MYO5B: variants seen among roughly 807,000 people sequenced by gnomAD.
MYO5B encodes the protein myosin VB.
A neutral mutation model predicts 229.3 loss-of-function variants in MYO5B; 143 were observed. The observed-to-expected ratio is 0.62, with a 90% confidence interval of 0.54 to 0.72. MYO5B has a LOEUF of 0.72. Ranked by LOEUF, MYO5B falls within the 30% of genes least tolerant of loss-of-function variation. MYO5B has a pLI of 0.00. For synonymous variants in MYO5B, 918 were observed against 885.2 expected (o/e 1.04, Z -0.66); for missense variants, 2,321 against 2,331.0 (o/e 1.00, Z 0.09).
chr18:49,974,798 G>GACATACACACACACACACACACACAC (rs2025730642), intron 9 of MYO5B, among the ~76,000 whole-genome samples, 183 bp from the exon 10 acceptor site: 1 of 130,996 alleles, frequency 7.6e-6, no homozygotes, highest in Non-Finnish European at 1.6e-5. Context: ...CACACACACA[G>GACATACACACACACACACACACACAC]ACACACACAC....
At chr18:49,910,657 C>T (rs2144158491) in intron 18 of MYO5B, among the ~76,000 whole-genome samples, 1 of 151,988 alleles carries the variant, frequency 6.6e-6, no homozygotes, top group South Asian at 2.1e-4. Context: ...CATACATTTA[C>T]TATAATATTC....
chr18:49,897,832 G>C (rs527330511), intron 21 of MYO5B, among the ~76,000 whole-genome samples: 1 of 152,256 alleles, frequency 6.6e-6, no homozygotes, highest in South Asian at 2.1e-4. Context: ...GATAGGAGTG[G>C]ACAGTTTATA....
chr18:50,077,873 T>C (rs1356826041), intron 1 of MYO5B, among the ~76,000 whole-genome samples: 1 of 152,122 alleles, frequency 6.6e-6, no homozygotes, highest in African/African-American at 2.4e-5. Context: ...TCCTACATAC[T>C]ACAATAACAC....
At chr18:50,184,082 G>A (rs113347179) in intron 1 of MYO5B, among the ~76,000 whole-genome samples, 5 of 152,164 alleles carry the variant, frequency 3.3e-5, no homozygotes, top group Non-Finnish European at 5.9e-5. Context: ...CGGGTATTCT[G>A]TTGCAGCAAC....
chr18:50,096,916 C>T (rs1277974170), intron 1 of MYO5B, among the ~76,000 whole-genome samples: 6 of 152,164 alleles, frequency 3.9e-5, no homozygotes, highest in African/African-American at 7.2e-5. Context: ...CCAGCTCCTG[C>T]GGGAGACAAC....
intron 12 of MYO5B, among the ~76,000 whole-genome samples, chr18:49,959,398 G>A (rs1426156259): frequency 6.6e-6 from 1 of 152,186 alleles, no homozygotes; most frequent in Non-Finnish European, 1.5e-5. Context: ...CTACACGAAA[G>A]CGCTAGACAA....
At chr18:50,091,738 CT>C (rs746636919) in intron 1 of MYO5B, among the ~76,000 whole-genome samples, 1 of 152,190 alleles carries the variant, frequency 6.6e-6, no homozygotes, top group Non-Finnish European at 1.5e-5. Context: ...CTCAGCACCC[CT>C]GACTTCTGTT....
chr18:50,140,962 A>C (rs967274798), intron 1 of MYO5B, among the ~76,000 whole-genome samples: 5 of 152,214 alleles, frequency 3.3e-5, no homozygotes, highest in Admixed American at 3.3e-4. Flanking sequence ...GTGTGACAAT[A>C]CTCAAAATAC....
chr18:50,159,396 T>C lies in MYO5B; in HGVS notation c.27+35371A>G, dbSNP rs146548282. Among the ~76,000 whole-genome samples the C allele has an allele frequency of 3.9e-3, 600 of 152,300 alleles. 3 individuals carry two copies. Among genetic ancestry groups the C allele is most frequent in the African/African-American group, 0.013 (530 of 41,554 alleles). On this transcript the variant is annotated intron_variant, in intron 1 of 39. Transcript: ENST00000285039. ...CTGGCATGTTCAAGGAGCTTTCACA[T>C]GTTTATTACCTTCTTCAACCCTCAC...
In MYO5B at chr18:49,868,688, C is replaced by T. The variant is rs554229652; in HGVS notation, c.3603+3479G>A. 3.9e-5 allele frequency among the ~76,000 whole-genome samples: 6 copies of T among 152,330 alleles called. 1 individual carries two copies. Among genetic ancestry groups the T allele is most frequent in the African/African-American group, 1.4e-4 (6 of 41,568 alleles). On this transcript the variant is annotated intron_variant, in intron 27 of 39. Coordinates refer to ENST00000285039, the MANE Select transcript of MYO5B (RefSeq NM_001080467.3). ...GCCACCCTTCCTGCCCTCACCATCC[C>T]TACCACTCATTCTCCTCTGCTTTTG...
At chr18:49,972,939 T>A (rs1299966337) in intron 10 of MYO5B, among the ~76,000 whole-genome samples, 1 of 152,024 alleles carries the variant, frequency 6.6e-6, no homozygotes, top group African/African-American at 2.4e-5. Flanking sequence ...CACACTCTGC[T>A]CCTTCCTCAT....
At chr18:49,921,863 T>C (rs1464084839) in intron 17 of MYO5B, among the ~76,000 whole-genome samples, 2 of 152,218 alleles carry the variant, frequency 1.3e-5, no homozygotes, top group African/African-American at 4.8e-5. Context: ...TCCTTTGCCA[T>C]CTCCTTCACT....
rs1358068827 is a variant in MYO5B at position 50,147,949 on chromosome 18, AG to A, written c.27+46817del. Reference sequence around the variant, plus strand: ...GATAGACCACTAGCAAGACTAATAAAGAAAAAAAGAGAGAAGAATCAAATAG... The same window carrying A: ...GATAGACCACTAGCAAGACTAATAAAAAAAAAAGAGAGAAGAATCAAATAG... On this transcript the variant is annotated intron_variant, in intron 1 of 39. Coordinates refer to ENST00000285039, the MANE Select transcript of MYO5B (RefSeq NM_001080467.3). Among the ~76,000 whole-genome samples the A allele has an allele frequency of 3.3e-5, 5 of 150,016 alleles. No individual in the cohort carries two copies. The South Asian group carries it at 8.8e-4, about 26-fold the overall frequency.
intron 1 of MYO5B, among the ~76,000 whole-genome samples, chr18:50,109,724 C>T (rs1233611739): frequency 1.3e-5 from 2 of 152,122 alleles, no homozygotes; most frequent in Non-Finnish European, 2.9e-5. Context: ...CCACGACCAG[C>T]GGTCATGATT....
chr18:49,846,662 T>C (rs1487209042), intron 33 of MYO5B, among the ~76,000 whole-genome samples: 1 of 152,100 alleles, frequency 6.6e-6, no homozygotes, highest in African/African-American at 2.4e-5. Context: ...CCTGGGCAAG[T>C]TACTAGAGTG....
At chr18:49,929,664 A>G (rs1428678714) in intron 16 of MYO5B, 66 bp from the exon 17 acceptor site, 1 of 1,386,248 alleles carries the variant, frequency 7.2e-7, no homozygotes, top group Non-Finnish European at 1.0e-6. Context: ...TGCAAAAAAG[A>G]AACAAAAAAG....
intron 2 of MYO5B, 38 bp downstream of exon 2, chr18:50,055,230 A>ACCCCACCC: frequency 3.9e-6 from 1 of 258,418 alleles, no homozygotes; most frequent in South Asian, 3.4e-5. Flanking sequence ...TCCCTGCCCC[A>ACCCCACCC]CCTCACCCCC....
chr18:49,971,287 C>A (rs1232578038), intron 10 of MYO5B, among the ~76,000 whole-genome samples: 1 of 151,938 alleles, frequency 6.6e-6, no homozygotes, highest in South Asian at 2.1e-4. Context: ...AGTGTGATGC[C>A]CACTTCCAGG....
Position 49,836,689 on chromosome 18 carries a change from CAG to C in MYO5B, c.5313+20_5313+21del. ...GGGCTTCCTTGGAATACCATGTTGA[CAG>C]AGGTGCAAAGTGACTGTACCTGCTG... On this transcript the variant is annotated intron_variant, in intron 38 of 39. Coordinates refer to ENST00000285039, the MANE Select transcript of MYO5B (RefSeq NM_001080467.3). 6.2e-7 allele frequency: 1 copy of C among 1,613,716 alleles called. No homozygotes were observed. The highest frequency in any genetic ancestry group is 8.5e-7 in the Non-Finnish European group (1 of 1,179,692).
Sources: gnomAD v4.1 joint callset for allele counts (sites outside exome capture counted in the v4.1 genomes callset) on GRCh38, gnomAD v4.1.1 for gene constraint, MANE v1.5 for transcripts, NCBI Gene and HGNC (gene_info 2026-07-23, HGNC 2026-07-21) for gene names.